Variants in ANXA4 observed in about 807,000 individuals in gnomAD.
ANXA4 encodes the protein annexin A4, also known as 35-beta calcimedin.
Under a neutral mutation model 49.8 loss-of-function variants are expected in ANXA4, and 39 were observed. The ratio of observed to expected loss-of-function variants is 0.78; its 90% CI spans 0.61 to 1.02. The LOEUF is 1.02. ANXA4 is among the 50% of genes least tolerant of loss of function. The pLI, the probability that ANXA4 is intolerant of heterozygous loss-of-function variation, is 0.00. For synonymous variants in ANXA4, 134 were observed against 152.5 expected (o/e 0.88, Z 0.89); for missense variants, 360 against 410.1 (o/e 0.88, Z 1.05).
At position 69,825,591 on chromosome 2, in the gene ANXA4, A is replaced by T; in HGVS notation, c.*76A>T. 1 of 1,094,096 alleles carries T rather than the reference A, an allele frequency of 9.1e-7. No homozygotes were observed. The highest frequency in any genetic ancestry group is 2.4e-5 in the East Asian group (1 of 41,616). The allele number at this position is 1,094,096 out of a possible 1,614,324, so 67.8% of individuals were successfully genotyped here. On this transcript the variant is annotated 3_prime_UTR_variant, in exon 13 of 13. Coordinates refer to ENST00000394295, the MANE Select transcript of ANXA4 (RefSeq NM_001153.5). ...AACTTCATTTTTCTACACTGCTATTATCATTATCTCAGAATGCTTATTTCC... is the reference window on the plus strand; with the variant it reads ...AACTTCATTTTTCTACACTGCTATTTTCATTATCTCAGAATGCTTATTTCC...
intron 1 of ANXA4, among the ~76,000 whole-genome samples, chr2:69,750,860 A>T (rs1000655074): frequency 1.3e-5 from 2 of 152,150 alleles, no homozygotes; most frequent in African/African-American, 4.8e-5. Context: ...TCTCCCAGTG[A>T]TATCAATGGC....
At chr2:69,798,755 G>A (rs1475917153) in intron 3 of ANXA4, among the ~76,000 whole-genome samples, 2 of 152,160 alleles carry the variant, frequency 1.3e-5, no homozygotes, top group Admixed American at 6.5e-5. Context: ...AAGAAGCCTC[G>A]GAAGTGAAAG....
intron 1 of ANXA4, among the ~76,000 whole-genome samples, chr2:69,649,603 CTTTTTTTTT>C (rs766975640): frequency 2.8e-5 from 2 of 70,670 alleles, no homozygotes; most frequent in East Asian, 4.0e-4. Context: ...GATTTTCTTT[CTTTTTTTTT>C]TTTTTTTTTT....
At chr2:69,707,329 G>A (rs965299156) in intron 2 of ANXA4, among the ~76,000 whole-genome samples, 10 of 152,278 alleles carry the variant, frequency 6.6e-5, no homozygotes, top group Admixed American at 3.9e-4. Flanking sequence ...TCAGTCTAAT[G>A]TGCAAGCAGT....
chr2:69,760,900 T>C (rs1415097599), intron 1 of ANXA4, among the ~76,000 whole-genome samples: 6 of 152,080 alleles, frequency 3.9e-5, no homozygotes, highest in Non-Finnish European at 1.5e-5. Flanking sequence ...GTGTGGTGGC[T>C]CACACTGGTG....
At chr2:69,670,677 T>G (rs138875308) in intron 2 of ANXA4, among the ~76,000 whole-genome samples, 286 of 151,606 alleles carry the variant, frequency 1.9e-3, no homozygotes, top group South Asian at 4.4e-3. Context: ...ACTGGAAAAT[T>G]TGGTTATCTA....
rs186934111 is a variant in ANXA4 at position 69,798,087 on chromosome 2, C to T, written c.98-6446C>T. Among the ~76,000 whole-genome samples the T allele has an allele frequency of 8.5e-5, 13 of 152,292 alleles. No individual in the cohort carries two copies. The East Asian group carries it at 2.3e-3, about 27-fold the overall frequency. On this transcript the variant is annotated intron_variant, in intron 3 of 12. Coordinates refer to ENST00000394295, the MANE Select transcript of ANXA4 (RefSeq NM_001153.5). Reference sequence around the variant, plus strand: ...GGCTATCCGGTCCGACTGGACAGTGCTGGTTCCTCACATGGGAAAAGAAAC... The same window carrying T: ...GGCTATCCGGTCCGACTGGACAGTGTTGGTTCCTCACATGGGAAAAGAAAC...
rs528788656 is a variant in ANXA4 at position 69,732,064 on chromosome 2, T to TCCA, written n.864+11195_864+11196insACC. On this transcript the variant is annotated intron_variant and non_coding_transcript_variant, in intron 3 of 3. Transcript: ENST00000418066. ...GGCACGATCTCGACTCACTGCAAAC[T>TCCA]CCTCCTGGGTTCATGCCATTCTCCT... is the stretch of plus-strand genomic sequence containing the variant. Among the ~76,000 whole-genome samples the TCCA allele has an allele frequency of 7.2e-3, 993 of 138,582 alleles. 14 individuals carry two copies. Among genetic ancestry groups the TCCA allele is most frequent in the African/African-American group, 0.026 (924 of 35,914 alleles). The allele number at this position is 138,582 out of a possible 152,430, so 90.9% of individuals were successfully genotyped here.
intron 2 of ANXA4, among the ~76,000 whole-genome samples, chr2:69,668,198 G>A (rs953937871): frequency 2.3e-4 from 35 of 152,172 alleles, no homozygotes; most frequent in Non-Finnish European, 1.6e-4. Flanking sequence ...ACTCTAGGTT[G>A]TTTACTAAAG....
chr2:69,750,438 G>A (rs1201344697), intron 1 of ANXA4, among the ~76,000 whole-genome samples: 3 of 152,044 alleles, frequency 2.0e-5, no homozygotes. Flanking sequence ...TCTAAGACAG[G>A]GTCTCACTCT....
chr2:69,678,248 T>C (rs1319290373), intron 2 of ANXA4, among the ~76,000 whole-genome samples: 3 of 152,170 alleles, frequency 2.0e-5, no homozygotes, highest in African/African-American at 7.2e-5. Context: ...TTGTCTACCT[T>C]TCAAATTATT....
intron 2 of ANXA4, among the ~76,000 whole-genome samples, chr2:69,660,719 G>GA (rs1676680656): frequency 6.6e-6 from 1 of 151,784 alleles, no homozygotes; most frequent in African/African-American, 2.4e-5. Context: ...CAATTAAAGA[G>GA]AAAGAACCAA....
chr2:69,686,860 G>A (rs1203224064), intron 2 of ANXA4, among the ~76,000 whole-genome samples: 1 of 152,224 alleles, frequency 6.6e-6, no homozygotes. Context: ...TCTGGACCAT[G>A]GTAACCAGAA....
chr2:69,814,974 G>A (rs1456626667), intron 8 of ANXA4: 3 of 152,406 alleles, frequency 2.0e-5, no homozygotes, highest in Non-Finnish European at 4.4e-5. Flanking sequence ...TGATGTTCCA[G>A]TTCAAGTCCA....
At chr2:69,775,522 T>C (rs1671927568) in intron 1 of ANXA4, among the ~76,000 whole-genome samples, 1 of 152,146 alleles carries the variant, frequency 6.6e-6, no homozygotes, top group Non-Finnish European at 1.5e-5. Context: ...TCACCATACA[T>C]AGCAGCAAAG....
intron 2 of ANXA4, among the ~76,000 whole-genome samples, chr2:69,681,307 C>T (rs188244099): frequency 6.6e-6 from 1 of 151,050 alleles, no homozygotes; most frequent in East Asian, 1.9e-4. Flanking sequence ...TCATAACAGT[C>T]TCTGATGATT....
chr2:69,669,959 G>C (rs2105339144), intron 2 of ANXA4, among the ~76,000 whole-genome samples: 1 of 152,230 alleles, frequency 6.6e-6, no homozygotes, highest in East Asian at 1.9e-4. Flanking sequence ...TCTTGCCTCT[G>C]GGAAGAGTTG....
chr2:69,776,696 T>C (rs1322901379), intron 1 of ANXA4, among the ~76,000 whole-genome samples: 1 of 152,190 alleles, frequency 6.6e-6, no homozygotes, highest in Admixed American at 6.5e-5. Context: ...GAAGAATAAT[T>C]GTCTTGGACC....
At chr2:69,753,233 C>T (rs1217074409) in intron 1 of ANXA4, among the ~76,000 whole-genome samples, 1 of 152,124 alleles carries the variant, frequency 6.6e-6, no homozygotes, top group East Asian at 1.9e-4. Context: ...TAAGTAAGGA[C>T]TATGAGTGCC....
Sources: gnomAD v4.1 joint callset for allele counts (sites outside exome capture counted in the v4.1 genomes callset) on GRCh38, gnomAD v4.1.1 for gene constraint, MANE v1.5 for transcripts, NCBI Gene and HGNC (gene_info 2026-07-23, HGNC 2026-07-21) for gene names.